The following HPSE2 variants were observed in gnomAD, a reference collection of about 807,000 sequenced individuals.
HPSE2 encodes the protein heparanase 2 (inactive), also known as inactive heparanase-2.
A neutral mutation model predicts 60.5 loss-of-function variants in HPSE2; 38 were observed. The ratio of observed to expected loss-of-function variants is 0.63; its 90% CI spans 0.48 to 0.82. The LOEUF is 0.82. HPSE2 is among the 40% of genes least tolerant of loss of function. HPSE2 has a pLI of 0.00. For missense variants in HPSE2, 713 were observed against 740.4 expected (o/e 0.96, Z 0.43); for synonymous variants, 295 against 293.2 (o/e 1.01, Z -0.06).
In HPSE2 at chr10:98,490,160, C is replaced by T. The variant is rs372483147; in HGVS notation, c.1357G>A (p.Gly453Ser). 1.5e-5 allele frequency: 25 copies of T among 1,614,114 alleles called. No homozygotes were observed. Among genetic ancestry groups the T allele is most frequent in the East Asian group, 4.5e-5 (2 of 44,882 alleles). The change falls in exon 10 of 12, where the codon GGC becomes AGC. Residue 453 changes from glycine (G) to serine (S), a missense_variant. Gly to Ser is a moderately conservative substitution (Grantham distance 56). Transcript: ENST00000370552. ...ACATGCACAGCCAAGACTTTGGGGC[C>T]GATCAGGCGCTTGTAGAGGAGAGAG... Reference protein sequence around the residue: ...WLSLLYKRLIGPKVLAVHVAG... With the variant: ...WLSLLYKRLISPKVLAVHVAG...
chr10:99,232,254 CACGA>C (rs1311813087), intron 2 of HPSE2, 90 bp downstream of exon 2: 1 of 1,287,978 alleles, frequency 7.8e-7, no homozygotes, highest in Non-Finnish European at 1.1e-6. Flanking sequence ...CACACACACA[CACGA>C]ACACACAGAC....
In HPSE2 at chr10:99,235,776, T is replaced by C. The variant is rs1330258451; in HGVS notation, c.27A>G (p.Glu9=). The stretch of plus-strand genomic sequence containing the variant: ...GGCGGGAGTTGCTGGAGGGCATGGC[T>C]TCAGGGAAGGCACAAAGCACCCTCA... The part of the protein sequence containing the change: MRVLCAFP[E]AMPSSNSRPP... Residue 9 remains glutamate, a synonymous_variant, in exon 1 of 12, where the codon GAA becomes GAG. Coordinates refer to ENST00000370552, the MANE Select transcript of HPSE2 (RefSeq NM_021828.5). 1 of 1,613,572 alleles carries C rather than the reference T, an allele frequency of 6.2e-7. No individual in the cohort carries two copies. Among genetic ancestry groups the C allele is most frequent in the African/African-American group, 1.3e-5 (1 of 74,814 alleles).
the HPSE2 span, among the ~76,000 whole-genome samples, chr10:99,314,641 G>A: frequency 6.6e-6 from 1 of 152,212 alleles, no homozygotes; most frequent in African/African-American, 2.4e-5. Context: ...AGGTATGGCT[G>A]TATCTCTTAA....
At chr10:98,935,338 T>C (rs990615412) in intron 3 of HPSE2, among the ~76,000 whole-genome samples, 1 of 142,930 alleles carries the variant, frequency 7.0e-6, no homozygotes, top group African/African-American at 2.9e-5. Flanking sequence ...TGGAGACGAG[T>C]TACAATCATT....
intron 3 of HPSE2, among the ~76,000 whole-genome samples, chr10:98,790,571 G>T (rs1253264101): frequency 6.6e-6 from 1 of 152,164 alleles, no homozygotes; most frequent in Admixed American, 6.5e-5. Context: ...GTGATCCATT[G>T]TACTGCATGC....
rs1480659747 is a variant in HPSE2, at chr10:98,591,318, C to A, written c.1320+23586G>T. On this transcript the variant is annotated intron_variant, in intron 9 of 11. Coordinates refer to ENST00000370552, the MANE Select transcript of HPSE2 (RefSeq NM_021828.5). ...TACAAATGTAAAAGGTCATTAATAT[C>A]ATTGATCATCATTCTTCTCACAATT... Among the ~76,000 whole-genome samples the A allele has an allele frequency of 2.6e-5, 4 of 152,254 alleles. No homozygotes were observed. In the East Asian group the frequency reaches 7.7e-4, roughly 29 times the overall value.
At chr10:98,701,988 G>A (rs189833063) in intron 5 of HPSE2, among the ~76,000 whole-genome samples, 1 of 152,088 alleles carries the variant, frequency 6.6e-6, no homozygotes, top group African/African-American at 2.4e-5. Context: ...TGGGCTAAAT[G>A]CCCCAATAAA....
chr10:99,025,357 C>T (rs2135436216), intron 3 of HPSE2, among the ~76,000 whole-genome samples: 1 of 151,882 alleles, frequency 6.6e-6, no homozygotes, highest in Admixed American at 6.5e-5. Flanking sequence ...GGGTATATAC[C>T]CAGAGGAATA....
intron 3 of HPSE2, among the ~76,000 whole-genome samples, chr10:98,876,315 T>C (rs1346316971): frequency 6.6e-6 from 1 of 151,906 alleles, no homozygotes; most frequent in Non-Finnish European, 1.5e-5. Context: ...GGTGACTAAA[T>C]TTTGGAAAGT....
At position 98,595,962 on chromosome 10, in the gene HPSE2, A is replaced by G. The variant is rs113854123; in HGVS notation, c.1320+18942T>C. Among the ~76,000 whole-genome samples, 656 of 152,302 alleles carry G rather than the reference A, an allele frequency of 4.3e-3. 3 individuals carry two copies. The highest frequency in any genetic ancestry group is 0.015 in the African/African-American group (632 of 41,580). ...TTTCTACATCTATTGAAATGATTAT[A>G]TGTTTTTTGTCCTTCATTCTGTTAA... On this transcript the variant is annotated intron_variant, in intron 9 of 11. Coordinates refer to ENST00000370552, the MANE Select transcript of HPSE2 (RefSeq NM_021828.5).
intron 5 of HPSE2, among the ~76,000 whole-genome samples, chr10:98,716,496 C>T (rs1224639284): frequency 6.6e-6 from 1 of 151,772 alleles, no homozygotes; most frequent in African/African-American, 2.4e-5. Context: ...TCAACCTTTT[C>T]CCATGAATCA....
chr10:98,778,741 A>C (rs1237030705), intron 3 of HPSE2, among the ~76,000 whole-genome samples: 1 of 152,182 alleles, frequency 6.6e-6, no homozygotes, highest in Non-Finnish European at 1.5e-5. Context: ...AATGAGCCTC[A>C]GTTTGTTCAT....
intron 3 of HPSE2, among the ~76,000 whole-genome samples, chr10:98,858,557 T>C (rs966823169): frequency 3.9e-5 from 6 of 152,188 alleles, no homozygotes; most frequent in African/African-American, 1.4e-4. Context: ...AGTGGGCCTG[T>C]ATATGAGGCT....
chr10:99,032,251 C>A (rs1356113086), intron 3 of HPSE2, among the ~76,000 whole-genome samples: 1 of 152,034 alleles, frequency 6.6e-6, no homozygotes, highest in African/African-American at 2.4e-5. Context: ...CTTCAATTGG[C>A]AATTACTTCC....
intron 3 of HPSE2, among the ~76,000 whole-genome samples, chr10:98,985,757 CAG>C (rs753661426): frequency 2.0e-5 from 3 of 152,054 alleles, no homozygotes; most frequent in Non-Finnish European, 4.4e-5. Context: ...ATCTCATATG[CAG>C]AGACACACAT....
chr10:98,535,547 C>G (rs577314755), intron 9 of HPSE2, among the ~76,000 whole-genome samples: 52 of 152,176 alleles, frequency 3.4e-4, no homozygotes, highest in Admixed American at 1.2e-3. Flanking sequence ...TTTTCTTAGG[C>G]AGGCAGTATA....
chr10:98,595,141 T>C (rs1945194765), intron 9 of HPSE2, among the ~76,000 whole-genome samples: 1 of 151,844 alleles, frequency 6.6e-6, no homozygotes, highest in African/African-American at 2.4e-5. Context: ...TTCCTAAGTA[T>C]TTCTGTAGCT....
chr10:99,229,241 C>T (rs1298538817), intron 2 of HPSE2, among the ~76,000 whole-genome samples: 1 of 151,672 alleles, frequency 6.6e-6, no homozygotes, highest in Non-Finnish European at 1.5e-5. Context: ...AAGCTTTTTG[C>T]TCAATGCTAC....
At chr10:99,129,091 G>A (rs555691224) in intron 3 of HPSE2, among the ~76,000 whole-genome samples, 1 of 152,220 alleles carries the variant, frequency 6.6e-6, no homozygotes, top group East Asian at 1.9e-4. Flanking sequence ...CAGTCCAACA[G>A]GAAAATATCA....
Sources: gnomAD v4.1 joint callset for allele counts (sites outside exome capture counted in the v4.1 genomes callset) on GRCh38, gnomAD v4.1.1 for gene constraint, MANE v1.5 for transcripts, NCBI Gene and HGNC (gene_info 2026-07-23, HGNC 2026-07-21) for gene names.